Variants in SOX6 observed in about 807,000 individuals in gnomAD.
SOX6 encodes the protein SRY-box transcription factor 6, also known as transcription factor SOX-6.
In SOX6, 11 loss-of-function variants were observed where a neutral mutation model predicts 97.8. The observed-to-expected ratio is 0.11, with a 90% CI of 0.07 to 0.19. The LOEUF is 0.19. Ranked by LOEUF, SOX6 falls within the 10% of genes least tolerant of loss-of-function variation. The probability of loss-of-function intolerance (pLI) is 1.00; values close to 1 mark genes in which losing one functional copy is unlikely to be tolerated. For synonymous variants in SOX6, 360 were observed against 371.4 expected (o/e 0.97, Z 0.35); for missense variants, 810 against 1,039.5 (o/e 0.78, Z 3.04).
intron 3 of SOX6, among the ~76,000 whole-genome samples, chr11:16,235,492 T>C (rs1852988554): frequency 6.6e-6 from 1 of 152,074 alleles, no homozygotes; most frequent in African/African-American, 2.4e-5. Context: ...CTTACCACTA[T>C]TTATTTGTAT....
intron 1 of SOX6, among the ~76,000 whole-genome samples, chr11:16,428,958 G>A (rs952815501): frequency 1.3e-5 from 2 of 152,160 alleles, no homozygotes; most frequent in South Asian, 4.1e-4. Flanking sequence ...CTACACATGA[G>A]CATGGAATGT....
intron 3 of SOX6, among the ~76,000 whole-genome samples, chr11:16,662,083 T>C (rs1288173493): frequency 2.0e-5 from 3 of 152,314 alleles, no homozygotes; most frequent in East Asian, 1.9e-4. Context: ...TTTTATTTTT[T>C]TACCTCCATT....
chr11:16,248,994 G>A (rs1049463287), intron 3 of SOX6, among the ~76,000 whole-genome samples: 73 of 151,930 alleles, frequency 4.8e-4, no homozygotes, highest in African/African-American at 1.7e-3. Flanking sequence ...CCAGCTACTC[G>A]GGAAGCTGAG....
intron 2 of SOX6, among the ~76,000 whole-genome samples, chr11:16,720,922 TA>T (rs1369308657): frequency 1.3e-5 from 2 of 152,138 alleles, no homozygotes; most frequent in Non-Finnish European, 2.9e-5. Flanking sequence ...GATAAAATCT[TA>T]AAACTGAGAA....
rs959122720 is a variant in SOX6, at chr11:16,441,150, G to A, written c.-5+35165C>T. Among the ~76,000 whole-genome samples, 15 of 151,920 alleles carry A rather than the reference G, an allele frequency of 9.9e-5. 1 individual carries two copies. The South Asian group carries it at 2.3e-3, about 23-fold the overall frequency. The stretch of plus-strand genomic sequence containing the variant: ...TTCCTGCTTAAGAATCTCTCCTCAG[G>A]TACCACCTCTTTTCCTTCCACCTCA... On this transcript the variant is annotated intron_variant, in intron 1 of 15. Transcript: ENST00000396356.
At chr11:16,708,134 C>A (rs1373274115) in intron 3 of SOX6, among the ~76,000 whole-genome samples, 1 of 152,070 alleles carries the variant, frequency 6.6e-6, no homozygotes, top group Non-Finnish European at 1.5e-5. Flanking sequence ...AGTAATTTAC[C>A]AAATATATTT....
chr11:16,183,598 T>C (rs889630967), intron 6 of SOX6, among the ~76,000 whole-genome samples: 15 of 152,008 alleles, frequency 9.9e-5, no homozygotes, highest in African/African-American at 3.4e-4. Flanking sequence ...ATACCATCTG[T>C]ATGCTACCTG....
chr11:16,675,238 C>T (rs539720053), intron 3 of SOX6, among the ~76,000 whole-genome samples: 8 of 152,332 alleles, frequency 5.3e-5, no homozygotes, highest in Non-Finnish European at 7.3e-5. Flanking sequence ...CAACATTGAA[C>T]TCCTTGGTTC....
intron 13 of SOX6, 64 bp from the exon 14 acceptor site, chr11:15,989,294 C>G (rs1853970776): frequency 2.2e-6 from 3 of 1,379,724 alleles, no homozygotes; most frequent in Admixed American, 4.6e-5. Context: ...TAATGTCACA[C>G]AGCTTGCCGC....
chr11:16,184,996 G>A (rs1400082347), intron 5 of SOX6, among the ~76,000 whole-genome samples: 1 of 152,158 alleles, frequency 6.6e-6, no homozygotes, highest in Non-Finnish European at 1.5e-5. Flanking sequence ...GGTTATGTTG[G>A]AAGTGAAAAT....
intron 1 of SOX6, among the ~76,000 whole-genome samples, chr11:16,428,388 C>T (rs549333351): frequency 3.9e-5 from 6 of 152,242 alleles, no homozygotes; most frequent in Admixed American, 2.6e-4. Context: ...GTTTTAGACA[C>T]GAAGTTCTTG....
At chr11:16,077,846 T>C (rs555504811) in intron 9 of SOX6, among the ~76,000 whole-genome samples, 2 of 152,176 alleles carry the variant, frequency 1.3e-5, no homozygotes, top group South Asian at 4.2e-4. Flanking sequence ...AAAAAAAATA[T>C]CTATCAGGTA....
chr11:16,359,366 A>C (rs1857146661), upstream of SOX6, among the ~76,000 whole-genome samples: 1 of 152,134 alleles, frequency 6.6e-6, no homozygotes, highest in African/African-American at 2.4e-5. Context: ...ACAGATTGGA[A>C]AGGATTTCAA....
chr11:16,287,815 C>G (rs1854797267), intron 3 of SOX6, among the ~76,000 whole-genome samples: 1 of 152,096 alleles, frequency 6.6e-6, no homozygotes, highest in South Asian at 2.1e-4. Context: ...ACATTTGACC[C>G]CACACTGGGA....
chr11:16,243,608 A>AC (rs770307334), intron 3 of SOX6, among the ~76,000 whole-genome samples: 13 of 151,618 alleles, frequency 8.6e-5, no homozygotes, highest in Non-Finnish European at 1.5e-4. Context: ...ATGTAGCTCC[A>AC]CCCTCCCGAA....
rs189983832 is a variant in SOX6, at chr11:16,522,797, A to C, written n.610-46409T>G. Among the ~76,000 whole-genome samples, 476 of 152,362 alleles carry C rather than the reference A, an allele frequency of 3.1e-3. 4 individuals are homozygous for C. Among genetic ancestry groups the C allele is most frequent in the African/African-American group, 0.011 (449 of 41,582 alleles). ...AAGGATGAAGGAAGATCTACCAAGC[A>C]AATGGAAAGCAAAAAAAGGCATGGG... On this transcript the variant is annotated intron_variant and non_coding_transcript_variant, in intron 4 of 5. Coordinates refer to the SOX6 transcript ENST00000524520.
intron 3 of SOX6, among the ~76,000 whole-genome samples, chr11:16,289,601 T>C (rs1187935069): frequency 6.6e-6 from 1 of 152,024 alleles, no homozygotes; most frequent in Non-Finnish European, 1.5e-5. Flanking sequence ...GTGTGCCTTT[T>C]GATTTACTAA....
intron 2 of SOX6, among the ~76,000 whole-genome samples, chr11:16,333,058 C>T (rs1022347356): frequency 1.5e-4 from 23 of 152,116 alleles, no homozygotes; most frequent in Non-Finnish European, 3.4e-4. Context: ...CGAGAGACAG[C>T]CCTTTCAACC....
chr11:16,233,705 T>C (rs1308231512), intron 4 of SOX6, among the ~76,000 whole-genome samples: 2 of 152,094 alleles, frequency 1.3e-5, no homozygotes, highest in African/African-American at 4.8e-5. Context: ...ATTTTATAGA[T>C]GAGGATTATA....
Sources: allele counts gnomAD v4.1 joint callset (sites outside exome capture counted in the v4.1 genomes callset), GRCh38; gene constraint gnomAD v4.1.1; transcripts MANE v1.5; gene names NCBI Gene and HGNC (gene_info 2026-07-23, HGNC 2026-07-21).